Variants in BMP2K observed in about 807,000 individuals in gnomAD.
The protein encoded by BMP2K is BMP2 inducible kinase.
In BMP2K, 74 loss-of-function variants were observed where a neutral mutation model predicts 116.0. The observed-to-expected ratio is 0.64, with a 90% CI of 0.53 to 0.77. The LOEUF is 0.77. Among genes scored for constraint, BMP2K ranks in the 30% least tolerant of loss-of-function variants. BMP2K has a pLI of 0.00. For missense variants in BMP2K, 1,365 were observed against 1,403.6 expected, an observed-to-expected ratio of 0.97 and a Z score of 0.44; for synonymous variants, 486 against 502.5, an observed-to-expected ratio of 0.97 and a Z score of 0.44.
intron 14 of BMP2K, among the ~76,000 whole-genome samples, chr4:78,882,379 T>C (rs1215334624): frequency 1.3e-5 from 2 of 151,166 alleles, no homozygotes; most frequent in East Asian, 3.9e-4. Flanking sequence ...TTCTTAATTT[T>C]AGTAAGAACA....
chr4:78,883,628 T>C (rs1732956614), intron 14 of BMP2K, among the ~76,000 whole-genome samples: 1 of 152,234 alleles, frequency 6.6e-6, no homozygotes, highest in Non-Finnish European at 1.5e-5. Flanking sequence ...TGTCATAATT[T>C]CACAGTACTG....
chr4:78,776,774 G>A (rs1320178496), intron 1 of BMP2K, 53 bp downstream of exon 1: 1 of 1,221,760 alleles, frequency 8.2e-7, no homozygotes, highest in East Asian at 3.2e-5. Context: ...GTTGGGGTGT[G>A]GCGGCGGCTT....
At chr4:78,843,260 G>A (rs905148264) in intron 4 of BMP2K, among the ~76,000 whole-genome samples, 1 of 151,804 alleles carries the variant, frequency 6.6e-6, no homozygotes, top group African/African-American at 2.4e-5. Flanking sequence ...GGTCTGCTCA[G>A]GTTCACCTTC....
rs945802301 is a variant in BMP2K, at chr4:78,776,406, G to A, written c.-138G>A. 8.0e-6 allele frequency: 7 copies of A among 872,420 alleles called. No individual in the cohort carries two copies. The Admixed American group carries it at 2.1e-4, about 27-fold the overall frequency. The allele number at this position is 872,420 out of a possible 1,614,324, so 54.0% of individuals were successfully genotyped here. ...GGCCCAGGCTGTGCGCTTGGGGAGC[G>A]CGGAATGTGAGGCTTGGCGGGCCGC... On this transcript the variant is annotated 5_prime_UTR_variant, in exon 1 of 16. Transcript: ENST00000502613.
intron 15 of BMP2K, among the ~76,000 whole-genome samples, chr4:78,895,647 G>A (rs185035324): frequency 1.0e-3 from 157 of 152,276 alleles, no homozygotes; most frequent in African/African-American, 3.4e-3. Context: ...AAGTTGGGAT[G>A]TAGATGGGAA....
At chr4:78,836,416 CAA>C (rs202054706) in intron 3 of BMP2K, among the ~76,000 whole-genome samples, 1 of 133,032 alleles carries the variant, frequency 7.5e-6, no homozygotes, top group Non-Finnish European at 1.6e-5. Flanking sequence ...GACTCTGTCT[CAA>C]AAAAAAAAAA....
intron 3 of BMP2K, among the ~76,000 whole-genome samples, chr4:78,835,097 G>A (rs551115801): frequency 6.6e-6 from 1 of 152,052 alleles, no homozygotes; most frequent in Admixed American, 6.5e-5. Flanking sequence ...TCATAACCTT[G>A]GATTAATTTA....
At chr4:78,777,828 A>G (rs1358063542) in intron 1 of BMP2K, among the ~76,000 whole-genome samples, 2 of 152,198 alleles carry the variant, frequency 1.3e-5, no homozygotes, top group Admixed American at 6.5e-5. Context: ...AAACCTGAAG[A>G]TTTTTGTATA....
chr4:78,801,960 G>A (rs76799489), intron 1 of BMP2K, among the ~76,000 whole-genome samples: 424 of 152,334 alleles, frequency 2.8e-3, no homozygotes, highest in South Asian at 8.9e-3. Flanking sequence ...TGTTGAGAAA[G>A]AAGGTCTTGT....
chr4:78,864,943 T>C (rs1455310968), intron 9 of BMP2K, among the ~76,000 whole-genome samples: 1 of 152,240 alleles, frequency 6.6e-6, no homozygotes, highest in Non-Finnish European at 1.5e-5. Context: ...AAAACTGTGT[T>C]TACTGCTTAA....
chr4:78,911,034 C>T lies in BMP2K; in HGVS notation c.2487C>T (p.Thr829=). The T allele has an allele frequency of 6.2e-7, 1 of 1,613,760 alleles. No individual in the cohort carries two copies. Among genetic ancestry groups the T allele is most frequent in the Non-Finnish European group, 8.5e-7 (1 of 1,179,848 alleles). ...VYRDRSGSGP[T]QDLNTILLTS... ...GAGACAGATCTGGCAGTGGACCAAC[C>T]CAAGATCTTAATACAATACTCCTCA... The change falls in exon 16 of 16, where the codon ACC becomes ACT. Residue 829 remains threonine, a synonymous_variant. Coordinates refer to ENST00000502613, the MANE Select transcript of BMP2K (RefSeq NM_198892.2).
intron 1 of BMP2K, 134 bp downstream of exon 1, chr4:78,776,855 C>G (rs1013121695): frequency 1.5e-5 from 13 of 895,968 alleles, no homozygotes; most frequent in African/African-American, 3.5e-5. Context: ...AGCGGGGGCT[C>G]CTAAAGAGTG....
At chr4:78,845,674 A>T (rs1242365441) in intron 5 of BMP2K, among the ~76,000 whole-genome samples, 1 of 151,698 alleles carries the variant, frequency 6.6e-6, no homozygotes, top group Non-Finnish European at 1.5e-5. Context: ...TGTAAATTTT[A>T]GGTTATCTTA....
intron 15 of BMP2K, among the ~76,000 whole-genome samples, chr4:78,909,055 CTT>C (rs1053664659): frequency 2.2e-4 from 21 of 94,404 alleles, no homozygotes; most frequent in African/African-American, 5.9e-4. Context: ...TTCCCTTAGT[CTT>C]TTTTTTTTTT....
At chr4:78,781,668 G>A (rs1482273395) in intron 1 of BMP2K, among the ~76,000 whole-genome samples, 4 of 152,088 alleles carry the variant, frequency 2.6e-5, no homozygotes, top group Non-Finnish European at 4.4e-5. Flanking sequence ...GGTGCTCATT[G>A]AAGGACTCCT....
chr4:78,786,859 A>T (rs1415302081), intron 1 of BMP2K, among the ~76,000 whole-genome samples: 2 of 152,034 alleles, frequency 1.3e-5, no homozygotes, highest in African/African-American at 4.8e-5. Context: ...AATTTTCTCT[A>T]CTTTAAAATT....
At chr4:78,780,252 A>G (rs916732570) in intron 1 of BMP2K, among the ~76,000 whole-genome samples, 3 of 152,150 alleles carry the variant, frequency 2.0e-5, no homozygotes, top group African/African-American at 7.2e-5. Context: ...GAGCAGAGAT[A>G]ACTTGTTGAG....
chr4:78,777,034 T>G (rs1042935028), intron 1 of BMP2K, among the ~76,000 whole-genome samples: 2 of 152,030 alleles, frequency 1.3e-5, no homozygotes, highest in African/African-American at 4.8e-5. Context: ...AGTGACTCAT[T>G]AGAGGGTCAG....
At chr4:78,823,549 G>T (rs1729732129) in intron 1 of BMP2K, among the ~76,000 whole-genome samples, 1 of 145,182 alleles carries the variant, frequency 6.9e-6, no homozygotes, top group African/African-American at 2.5e-5. Flanking sequence ...TATATATATA[G>T]TTATATATAG....
Sources: allele counts gnomAD v4.1 joint callset (sites outside exome capture counted in the v4.1 genomes callset), GRCh38; gene constraint gnomAD v4.1.1; transcripts MANE v1.5; gene names NCBI Gene and HGNC (gene_info 2026-07-23, HGNC 2026-07-21).